Variants in LPP observed in about 807,000 individuals in gnomAD.
LPP encodes LIM domain containing preferred translocation partner in lipoma.
In LPP, 38 loss-of-function variants were observed where a neutral mutation model predicts 60.4. That is an observed-to-expected ratio of 0.63 (90% CI 0.49 to 0.83). LPP has a LOEUF of 0.83. LPP is among the 40% of genes least tolerant of loss of function. LPP has a pLI of 0.00. For synonymous variants in LPP, 328 were observed against 290.8 expected, an observed-to-expected ratio of 1.13 and a Z score of -1.30; for missense variants, 902 against 783.6, an observed-to-expected ratio of 1.15 and a Z score of -1.80.
intron 9 of LPP, among the ~76,000 whole-genome samples, chr3:188,767,298 G>A (rs1421010224): frequency 6.6e-6 from 1 of 152,114 alleles, no homozygotes; most frequent in Admixed American, 6.5e-5. Flanking sequence ...GTATCAAGCA[G>A]TCTGAAGAAC....
chr3:188,169,773 C>T (rs1420565485), intron 1 of LPP, among the ~76,000 whole-genome samples: 2 of 152,126 alleles, frequency 1.3e-5, no homozygotes, highest in South Asian at 2.1e-4. Context: ...TGCTGTGGGC[C>T]GTGGACCCTG....
intron 5 of LPP, among the ~76,000 whole-genome samples, chr3:188,492,522 C>G (rs976807812): frequency 3.3e-5 from 5 of 151,848 alleles, no homozygotes; most frequent in African/African-American, 1.2e-4. Flanking sequence ...ATGATGAAAC[C>G]CCATTGTTAC....
chr3:188,349,051 T>C (rs1359196911), intron 3 of LPP, among the ~76,000 whole-genome samples: 1 of 152,196 alleles, frequency 6.6e-6, no homozygotes, highest in Non-Finnish European at 1.5e-5. Flanking sequence ...CCAAAGTCCA[T>C]GTTCTTTTCA....
At chr3:188,710,025 T>C (rs1866301387) in intron 8 of LPP, 1 of 152,216 alleles carries the variant, frequency 6.6e-6, no homozygotes, top group South Asian at 2.1e-4. Context: ...TGAGTGGCAC[T>C]GCTTTAAGGA....
At chr3:188,175,796 A>G (rs1480593400) in intron 1 of LPP, among the ~76,000 whole-genome samples, 1 of 152,152 alleles carries the variant, frequency 6.6e-6, no homozygotes, top group Non-Finnish European at 1.5e-5. Flanking sequence ...AAAGGATAGT[A>G]CCAGGATGCC....
intron 7 of LPP, among the ~76,000 whole-genome samples, chr3:188,661,741 A>T (rs1045572495): frequency 2.6e-5 from 4 of 152,118 alleles, no homozygotes; most frequent in African/African-American, 9.6e-5. Context: ...TTGTCTTCTC[A>T]TAAACGCTTG....
chr3:188,666,171 T>TTTCTTA (rs1855754657), intron 7 of LPP, among the ~76,000 whole-genome samples: 1 of 152,256 alleles, frequency 6.6e-6, no homozygotes, highest in African/African-American at 2.4e-5. Context: ...AGAATTGTAA[T>TTTCTTA]GTTATAAACT....
intron 4 of LPP, among the ~76,000 whole-genome samples, chr3:188,467,229 A>G (rs1800708803): frequency 6.6e-6 from 1 of 152,118 alleles, no homozygotes. Context: ...TGTGGTAGCA[A>G]GATTATAGTT....
intron 2 of LPP, among the ~76,000 whole-genome samples, chr3:188,337,817 G>C (rs1187950289): frequency 6.6e-6 from 1 of 152,130 alleles, no homozygotes; most frequent in Non-Finnish European, 1.5e-5. Context: ...TTTTGTTAAA[G>C]TTTAGTTGTT....
chr3:188,331,282 C>T (rs1335688076), intron 2 of LPP, among the ~76,000 whole-genome samples: 2 of 152,106 alleles, frequency 1.3e-5, no homozygotes, highest in African/African-American at 4.8e-5. Flanking sequence ...GCTAAATCTC[C>T]CAAACCCAGA....
At chr3:188,797,126 C>CTCCTCG (rs1464893676) in intron 9 of LPP, among the ~76,000 whole-genome samples, 1 of 151,944 alleles carries the variant, frequency 6.6e-6, no homozygotes, top group East Asian at 1.9e-4. Context: ...CCTCCTCCTC[C>CTCCTCG]TCCTCCTCCT....
chr3:188,535,875 G>T (rs1400482051), intron 6 of LPP, among the ~76,000 whole-genome samples: 1 of 152,040 alleles, frequency 6.6e-6, no homozygotes, highest in African/African-American at 2.4e-5. Flanking sequence ...CCTAAATAAA[G>T]ACCAATATGA....
intron 1 of LPP, among the ~76,000 whole-genome samples, chr3:188,197,233 A>G (rs1729790948): frequency 6.6e-6 from 1 of 152,182 alleles, no homozygotes; most frequent in African/African-American, 2.4e-5. Flanking sequence ...GGGACAGTGC[A>G]GAGGAGACCC....
intron 4 of LPP, among the ~76,000 whole-genome samples, chr3:188,423,678 G>A (rs1788491737): frequency 6.6e-6 from 1 of 152,066 alleles, no homozygotes; most frequent in African/African-American, 2.4e-5. Context: ...GTTTTGATTT[G>A]CATTGTTCTA....
chr3:188,531,052 A>G (rs147265018), intron 6 of LPP, among the ~76,000 whole-genome samples: 12 of 152,122 alleles, frequency 7.9e-5, no homozygotes, highest in African/African-American at 2.7e-4. Context: ...TCCCCAAGTA[A>G]GTTTGGTAGG....
Position 188,438,369 on chromosome 3 carries a change from A to T in LPP, c.193+32056A>T, listed in dbSNP as rs867776459. ...TTCCATGCATTACACACACACACAC[A>T]CACACACACACACACACACACACAC... On this transcript the variant is annotated intron_variant, in intron 4 of 11. Transcript: ENST00000617246. 8.9e-3 allele frequency among the ~76,000 whole-genome samples: 1,335 copies of T among 150,462 alleles called. 26 individuals carry two copies. Among genetic ancestry groups the T allele is most frequent in the African/African-American group, 0.031 (1,259 of 40,456 alleles).
At chr3:188,249,720 A>T (rs1263609014) in intron 2 of LPP, among the ~76,000 whole-genome samples, 2 of 151,590 alleles carry the variant, frequency 1.3e-5, no homozygotes, top group Admixed American at 1.3e-4. Flanking sequence ...AAATAAGCAT[A>T]GTCCAATATA....
chr3:188,499,104 T>G (rs1811091810), intron 5 of LPP, among the ~76,000 whole-genome samples: 3 of 152,222 alleles, frequency 2.0e-5, no homozygotes. Flanking sequence ...AAGATTGCCT[T>G]TTTACTCCAT....
At chr3:188,746,302 A>C (rs1726177378) in intron 8 of LPP, among the ~76,000 whole-genome samples, 1 of 152,178 alleles carries the variant, frequency 6.6e-6, no homozygotes, top group Admixed American at 6.6e-5. Flanking sequence ...GGAACTGTTT[A>C]AATATAGTCC....
Sources: allele counts gnomAD v4.1 joint callset (sites outside exome capture counted in the v4.1 genomes callset), GRCh38; gene constraint gnomAD v4.1.1; transcripts MANE v1.5; gene names NCBI Gene and HGNC (gene_info 2026-07-23, HGNC 2026-07-21).